PHC3: variants seen among roughly 807,000 people sequenced by gnomAD.
PHC3 encodes the protein polyhomeotic-like protein 3.
Under a neutral mutation model 107.4 loss-of-function variants are expected in PHC3, and 13 were observed. The observed-to-expected ratio is 0.12, with a 90% CI of 0.08 to 0.19. The LOEUF (loss-of-function observed/expected upper bound fraction) is 0.19, where lower values mean the gene tolerates loss of function less well. Ranked by LOEUF, PHC3 falls within the 10% of genes least tolerant of loss-of-function variation. The probability of loss-of-function intolerance (pLI) is 1.00; values close to 1 mark genes in which losing one functional copy is unlikely to be tolerated. For synonymous variants in PHC3, 456 were observed against 427.4 expected (o/e 1.07, Z -0.83); for missense variants, 992 against 1,210.9 (o/e 0.82, Z 2.68).
chr3:170,151,011 G>A (rs1725868020), intron 4 of PHC3, among the ~76,000 whole-genome samples: 1 of 152,070 alleles, frequency 6.6e-6, no homozygotes, highest in Non-Finnish European at 1.5e-5. Flanking sequence ...AGGAGTTTGA[G>A]ACCAGCCTGA....
At chr3:170,116,423 C>T (rs1343354311) in intron 10 of PHC3, among the ~76,000 whole-genome samples, 1 of 151,912 alleles carries the variant, frequency 6.6e-6, no homozygotes, top group East Asian at 1.9e-4. Flanking sequence ...AAAAATTGGT[C>T]AGGCGTGGTG....
At chr3:170,153,548 G>T (rs1726366936) in intron 4 of PHC3, among the ~76,000 whole-genome samples, 2 of 152,030 alleles carry the variant, frequency 1.3e-5, no homozygotes, top group South Asian at 4.2e-4. Flanking sequence ...CGGATCACGA[G>T]GTCAGGAGAT....
At chr3:170,150,869 T>C (rs1725839338) in intron 4 of PHC3, among the ~76,000 whole-genome samples, 1 of 152,066 alleles carries the variant, frequency 6.6e-6, no homozygotes, top group Admixed American at 6.6e-5. Flanking sequence ...ACTCTTTTTT[T>C]TATCTTTCTA....
chr3:170,128,122 T>C (rs944386197), intron 8 of PHC3, among the ~76,000 whole-genome samples: 2 of 152,172 alleles, frequency 1.3e-5, no homozygotes. Flanking sequence ...TTGGCAAAGC[T>C]GGACTCTCTC....
chr3:170,128,316 A>T lies in PHC3; in HGVS notation c.1788+368T>A, dbSNP rs1438922470. The T allele has an allele frequency of 4.1e-6, 5 of 1,228,890 alleles. No homozygotes were observed. The Admixed American group carries it at 1.6e-4, about 40-fold the overall frequency. 76.1% of individuals were successfully genotyped at this position (1,228,890 alleles called of 1,614,324 possible). ...GTTTTGAGAACATACAAGCCAACAG[A>T]AGGGATCTATGAAGGATAATCACCT... On this transcript the variant is annotated intron_variant, in intron 8 of 14. Coordinates refer to ENST00000495893, the MANE Select transcript of PHC3 (RefSeq NM_024947.4).
At chr3:170,171,302 A>G (rs1423795549) in intron 4 of PHC3, 71 bp downstream of exon 4, 2 of 1,078,988 alleles carry the variant, frequency 1.9e-6, no homozygotes, top group Non-Finnish European at 2.7e-6. Flanking sequence ...TTCATAAATA[A>G]CAACAGTTTA....
intron 4 of PHC3, among the ~76,000 whole-genome samples, chr3:170,162,083 G>A (rs930610436): frequency 6.6e-6 from 1 of 152,100 alleles, no homozygotes; most frequent in Admixed American, 6.6e-5. Flanking sequence ...TGGCAGGCAG[G>A]GAAGTTAAAT....
chr3:170,116,996 C>A (rs986837628), intron 10 of PHC3: 10 of 510,576 alleles, frequency 2.0e-5, no homozygotes, highest in Non-Finnish European at 3.1e-5. Flanking sequence ...AAAAATATGT[C>A]CTGAAATTTT....
intron 6 of PHC3, among the ~76,000 whole-genome samples, chr3:170,140,074 C>T (rs1723781896): frequency 6.6e-6 from 1 of 151,892 alleles, no homozygotes; most frequent in Non-Finnish European, 1.5e-5. Flanking sequence ...AATACTATGG[C>T]AATTATCATA....
In PHC3 at chr3:170,106,940, A is replaced by G; in HGVS notation, c.2360T>C (p.Leu787Ser). The G allele has an allele frequency of 6.3e-7, 1 of 1,586,120 alleles. No homozygotes were observed. Among genetic ancestry groups the G allele is most frequent in the South Asian group, 1.2e-5 (1 of 86,100 alleles). The change falls in exon 12 of 15, where the codon TTA becomes TCA. Residue 787 changes from leucine (L) to serine (S), a missense_variant. Physicochemically the swap from Leu to Ser is moderately radical, Grantham distance 145. Around this residue, in one of 6 missense-constraint regions of PHC3, gnomAD observed 228 missense variants for 288.8 expected, o/e 0.79. Coordinates refer to ENST00000495893, the MANE Select transcript of PHC3 (RefSeq NM_024947.4). ...EMEDMIAEETLEEMDSELLKC... is the reference protein window; with the variant it reads ...EMEDMIAEETSEEMDSELLKC... Reference sequence around the variant, plus strand: ...GAGCAACTCACTGTCCATTTCTTCTAATGTCTCTAAAAAAGAAGGAAACAA... The same window carrying G: ...GAGCAACTCACTGTCCATTTCTTCTGATGTCTCTAAAAAAGAAGGAAACAA...
At chr3:170,164,493 T>G (rs1219895609) in intron 4 of PHC3, among the ~76,000 whole-genome samples, 1 of 152,066 alleles carries the variant, frequency 6.6e-6, no homozygotes, top group Admixed American at 6.6e-5. Context: ...AAAAAATAAG[T>G]AAAATGACAA....
rs902096095 is a variant in PHC3 at position 170,149,360 on chromosome 3, A to G, written c.415-116T>C. On this transcript the variant is annotated intron_variant, in intron 4 of 14. Transcript: ENST00000495893. ...GTATAAACTGTGGCTAAGGAACCCA[A>G]AGGAGAAGCCTTTATCTTTGACAGA... is the stretch of plus-strand genomic sequence containing the variant. The G allele has an allele frequency of 9.7e-6, 9 of 929,910 alleles. No homozygotes were observed. The South Asian group carries it at 1.9e-4, about 20-fold the overall frequency. 57.6% of individuals were successfully genotyped at this position (929,910 alleles called of 1,614,324 possible).
chr3:170,102,398 G>A lies in PHC3; in HGVS notation c.2833+81C>T, dbSNP rs530909665. The A allele has an allele frequency of 1.0e-4, 153 of 1,535,066 alleles. No individual in the cohort carries two copies. In the African/African-American group the frequency reaches 2.0e-3, roughly 20 times the overall value. On this transcript the variant is annotated intron_variant, in intron 14 of 14. Coordinates refer to ENST00000495893, the MANE Select transcript of PHC3 (RefSeq NM_024947.4). ...CACAGTACTTCTCTAGCCCTTTTGTGCAAAAGGTGTGGATGTATCTAACAT... is the reference window on the plus strand; with the variant it reads ...CACAGTACTTCTCTAGCCCTTTTGTACAAAAGGTGTGGATGTATCTAACAT...
chr3:170,154,625 AAAAAG>A (rs1156548757), intron 4 of PHC3, among the ~76,000 whole-genome samples: 7 of 152,224 alleles, frequency 4.6e-5, no homozygotes, highest in African/African-American at 1.7e-4. Context: ...ATTTTTCTTA[AAAAAG>A]AAAAGAGGAA....
At chr3:170,120,068 T>C (rs1719922685) in intron 9 of PHC3, among the ~76,000 whole-genome samples, 1 of 152,206 alleles carries the variant, frequency 6.6e-6, no homozygotes, top group Non-Finnish European at 1.5e-5. Flanking sequence ...GTAATGCTTA[T>C]TTTGTAATTA....
intron 8 of PHC3, among the ~76,000 whole-genome samples, chr3:170,126,744 T>C (rs1025013165): frequency 4.0e-5 from 6 of 151,722 alleles, no homozygotes; most frequent in African/African-American, 1.4e-4. Context: ...TTTCTCTATG[T>C]TGGCCAGGCT....
At position 170,181,490 on chromosome 3, in the gene PHC3, G is replaced by C. The variant is rs527507057; in HGVS notation, c.14+212C>G. ...GCAGATCCGGGACCTGATGGCGGAAGGGGCGCTCCTGCCTGGAGGGTAACT... is the reference window on the plus strand; with the variant it reads ...GCAGATCCGGGACCTGATGGCGGAACGGGCGCTCCTGCCTGGAGGGTAACT... On this transcript the variant is annotated intron_variant, in intron 1 of 14. Coordinates refer to ENST00000495893, the MANE Select transcript of PHC3 (RefSeq NM_024947.4). Among the ~76,000 whole-genome samples the C allele has an allele frequency of 1.4e-4, 22 of 152,280 alleles. No homozygotes were observed. The East Asian group carries it at 4.3e-3, about 30-fold the overall frequency.
chr3:170,170,792 A>T (rs1263015430), intron 4 of PHC3: 1 of 152,252 alleles, frequency 6.6e-6, no homozygotes, highest in Non-Finnish European at 1.5e-5. Flanking sequence ...ATTAAAAGCT[A>T]AACAAGTATT....
rs1458839584 is a variant in PHC3, at chr3:170,093,725, CT to C, written c.*3504del. On this transcript the variant is annotated 3_prime_UTR_variant, in exon 15 of 15. Transcript: ENST00000495893. The stretch of plus-strand genomic sequence containing the variant: ...TAACACATTTCAATTCAATCTAAGA[CT>C]TGTATTTGTGAATAGATGTCTCATT... The C allele has an allele frequency of 6.6e-6, 1 of 152,080 alleles. No individual in the cohort carries two copies. The highest frequency in any genetic ancestry group is 1.5e-5 in the Non-Finnish European group (1 of 68,004). The allele number at this position is 152,080 out of a possible 1,614,324, so 9.4% of individuals were successfully genotyped here.
Sources: gnomAD v4.1 joint callset for allele counts (sites outside exome capture counted in the v4.1 genomes callset) on GRCh38, gnomAD v4.1.1 for gene constraint, gnomAD v4.1.1 regional missense constraint, MANE v1.5 for transcripts, NCBI Gene and HGNC (gene_info 2026-07-23, HGNC 2026-07-21) for gene names.